The following CUX1 variants were observed in gnomAD, a reference collection of about 807,000 sequenced individuals.
CUX1 encodes the protein protein CASP.
A neutral mutation model predicts 158.8 loss-of-function variants in CUX1; 31 were observed. The ratio of observed to expected loss-of-function variants is 0.20; its 90% CI spans 0.15 to 0.26. The LOEUF (loss-of-function observed/expected upper bound fraction) is 0.26. Ranked by LOEUF, CUX1 falls within the 10% of genes least tolerant of loss-of-function variation. CUX1 has a pLI of 1.00. For missense variants in CUX1, 1,589 were observed against 2,014.6 expected, an observed-to-expected ratio of 0.79 and a Z score of 4.04; for synonymous variants, 879 against 862.1, an observed-to-expected ratio of 1.02 and a Z score of -0.34.
At chr7:102,269,412 CTT>C (rs201452988) in intron 14 of CUX1, among the ~76,000 whole-genome samples, 2 of 144,852 alleles carry the variant, frequency 1.4e-5, no homozygotes, top group Non-Finnish European at 1.5e-5. Flanking sequence ...ACCCCAAAGT[CTT>C]TTTTTTTTTA....
intron 11 of CUX1, among the ~76,000 whole-genome samples, chr7:102,184,422 T>C (rs139768166): frequency 6.8e-4 from 104 of 152,328 alleles, no homozygotes; most frequent in Non-Finnish European, 1.1e-3. Context: ...GCGTGTTTGA[T>C]TGGCACTTGA....
intron 2 of CUX1, among the ~76,000 whole-genome samples, chr7:101,968,257 G>T (rs1359905912): frequency 1.3e-5 from 2 of 152,120 alleles, no homozygotes; most frequent in East Asian, 3.9e-4. Context: ...AGTTAATTGT[G>T]GGGTGGGAGG....
chr7:102,254,541 G>A lies in CUX1; in HGVS notation c.*5499G>A, dbSNP rs1311496198. ...CAGCTCCTGGGGCTGGTGGTTGGAG[G>A]TGGGTCTGTCCACTGTGGGGGCCAA... On this transcript the variant is annotated 3_prime_UTR_variant, in exon 24 of 24. Coordinates refer to ENST00000292535, the MANE Select transcript of CUX1 (RefSeq NM_181552.4). The A allele has an allele frequency of 6.1e-6, 6 of 985,440 alleles. No homozygotes were observed. The highest frequency in any genetic ancestry group is 7.2e-6 in the Non-Finnish European group (6 of 830,018). The allele number at this position is 985,440 out of a possible 1,614,324, so 61.0% of individuals were successfully genotyped here.
intron 1 of CUX1, among the ~76,000 whole-genome samples, chr7:101,834,431 C>T (rs1197773283): frequency 1.3e-5 from 2 of 152,066 alleles, no homozygotes; most frequent in Admixed American, 1.3e-4. Context: ...GCCTTGGCCT[C>T]CCAAATGCTG....
In CUX1 at chr7:101,943,964, T is replaced by TA. The variant is rs5886208; in HGVS notation, c.141+27758dup. Among the ~76,000 whole-genome samples the TA allele has an allele frequency of 1.7e-3, 239 of 138,236 alleles. 2 individuals are homozygous for TA. Among genetic ancestry groups the TA allele is most frequent in the Middle Eastern group, 7.3e-3 (2 of 274 alleles). 90.7% of individuals were successfully genotyped at this position (138,236 alleles called of 152,430 possible). A position where few individuals can be genotyped will look rare whatever the true frequency, so the allele number is the denominator to read the frequency against. ...CGAGACCGCGTCTCTATTTAAAAATTAAAAAAAAAAAAAAAAAAAGACAAC... is the reference window on the plus strand; with the variant it reads ...CGAGACCGCGTCTCTATTTAAAAATTAAAAAAAAAAAAAAAAAAAAGACAAC... On this transcript the variant is annotated intron_variant, in intron 2 of 23. Transcript: ENST00000292535.
At chr7:102,180,560 A>G (rs1792920060) in intron 11 of CUX1, among the ~76,000 whole-genome samples, 1 of 151,354 alleles carries the variant, frequency 6.6e-6, no homozygotes, top group Non-Finnish European at 1.5e-5. Flanking sequence ...GCCTGGGCTC[A>G]AGCAATTCTC....
chr7:102,007,876 C>G (rs1817563696), intron 2 of CUX1, among the ~76,000 whole-genome samples: 1 of 151,934 alleles, frequency 6.6e-6, no homozygotes, highest in African/African-American at 2.4e-5. Flanking sequence ...TCCTGAGTAG[C>G]TGGGACTACA....
intron 11 of CUX1, among the ~76,000 whole-genome samples, chr7:102,187,672 GTA>G (rs1434627376): frequency 1.5e-4 from 18 of 121,238 alleles, no homozygotes; most frequent in African/African-American, 6.2e-4. Context: ...CTAATTTTTT[GTA>G]TTTTTTTTTT....
At chr7:102,227,323 G>A in intron 20 of CUX1, 44 bp from the exon 21 acceptor site, 1 of 1,543,144 alleles carries the variant, frequency 6.5e-7, no homozygotes, top group Non-Finnish European at 8.9e-7. Context: ...CGTGGTAAAA[G>A]ACAGCTATTT....
At chr7:101,911,311 G>T (rs1004319474) in intron 1 of CUX1, among the ~76,000 whole-genome samples, 8 of 152,194 alleles carry the variant, frequency 5.3e-5, no homozygotes, top group African/African-American at 1.9e-4. Context: ...TCTTGGCCTT[G>T]GTCCTGCGGT....
At chr7:101,904,500 T>G (rs1802532003) in intron 1 of CUX1, among the ~76,000 whole-genome samples, 1 of 152,076 alleles carries the variant, frequency 6.6e-6, no homozygotes, top group Non-Finnish European at 1.5e-5. Context: ...GATTGGGAGT[T>G]AATATCAAAT....
At position 102,236,907 on chromosome 7, in the gene CUX1, G is replaced by A. The variant is rs541403611; in HGVS notation, c.3623-2413G>A. 1.1e-4 allele frequency among the ~76,000 whole-genome samples: 16 copies of A among 152,310 alleles called. No individual in the cohort carries two copies. The East Asian group carries it at 2.3e-3, about 22-fold the overall frequency. ...ACAAATGAATTACTGTTTCTGCGGG[G>A]CCCAGACCTTTCCAAAGGTGCCCTA... is the stretch of plus-strand genomic sequence containing the variant. On this transcript the variant is annotated intron_variant, in intron 22 of 23. Coordinates refer to ENST00000292535, the MANE Select transcript of CUX1 (RefSeq NM_181552.4).
intron 20 of CUX1, among the ~76,000 whole-genome samples, chr7:102,213,213 G>A (rs1796724285): frequency 6.6e-6 from 1 of 152,258 alleles, no homozygotes; most frequent in Non-Finnish European, 1.5e-5. Context: ...GTCCCTTGCA[G>A]ATGGTGCAGG....
At chr7:101,835,712 C>T (rs1476171450) in intron 1 of CUX1, among the ~76,000 whole-genome samples, 1 of 152,038 alleles carries the variant, frequency 6.6e-6, no homozygotes, top group Non-Finnish European at 1.5e-5. Flanking sequence ...GCCAACAGTC[C>T]AATTATACAC....
rs1302249792 is a variant in CUX1, at chr7:102,192,127, C to T, written c.1077-1715C>T. On this transcript the variant is annotated intron_variant, in intron 12 of 23. Coordinates refer to ENST00000292535, the MANE Select transcript of CUX1 (RefSeq NM_181552.4). ...AGCTGTGCTCTTGAGCTCTTGCCCG[C>T]GTCCCCTTCTCAGCATCGTCCCATT... Among the ~76,000 whole-genome samples the T allele has an allele frequency of 2.6e-5, 4 of 152,188 alleles. No individual in the cohort carries two copies. The East Asian group carries it at 7.7e-4, about 29-fold the overall frequency.
intron 13 of CUX1, among the ~76,000 whole-genome samples, chr7:102,194,600 T>A (rs1266579746): frequency 6.7e-6 from 1 of 150,352 alleles, no homozygotes; most frequent in Admixed American, 6.6e-5. Flanking sequence ...ACTGACTATT[T>A]TTTTTTTAAT....
chr7:102,264,361 G>A (rs1586494346), intron 14 of CUX1, among the ~76,000 whole-genome samples: 1 of 152,306 alleles, frequency 6.6e-6, no homozygotes, highest in African/African-American at 2.4e-5. Context: ...CCCTGCAGAT[G>A]TGAGAAGGAA....
At position 102,131,492 on chromosome 7, in the gene CUX1, TAAA is replaced by T. The variant is rs782286192; in HGVS notation, c.674+16233_674+16235del. 1.6e-4 allele frequency among the ~76,000 whole-genome samples: 21 copies of T among 133,028 alleles called. No individual in the cohort carries two copies. In the South Asian group the frequency reaches 4.3e-3, roughly 27 times the overall value. The allele number at this position is 133,028 out of a possible 152,430, so 87.3% of individuals were successfully genotyped here. ...AAAACAGCAAGACATAATTTCTGTTTAAAAAAAAAAAAAAAAGTTTGAACATAA... is the reference window on the plus strand; with the variant it reads ...AAAACAGCAAGACATAATTTCTGTTTAAAAAAAAAAAAAGTTTGAACATAA... On this transcript the variant is annotated intron_variant, in intron 8 of 23. Coordinates refer to ENST00000292535, the MANE Select transcript of CUX1 (RefSeq NM_181552.4).
At chr7:102,232,302 G>A (rs1421762525) in intron 21 of CUX1, among the ~76,000 whole-genome samples, 5 of 152,228 alleles carry the variant, frequency 3.3e-5, no homozygotes, top group South Asian at 4.2e-4. Context: ...GCAATATAGC[G>A]AGACCCTGTT....
Sources: allele counts gnomAD v4.1 joint callset (sites outside exome capture counted in the v4.1 genomes callset), GRCh38; gene constraint gnomAD v4.1.1; transcripts MANE v1.5; gene names NCBI Gene and HGNC (gene_info 2026-07-23, HGNC 2026-07-21).